CAST: variants seen among roughly 807,000 people sequenced by gnomAD.
The protein encoded by CAST is MIR583 host.
In CAST, 76 loss-of-function variants were observed where a neutral mutation model predicts 119.6. The ratio of observed to expected loss-of-function variants is 0.64; its 90% CI spans 0.53 to 0.77. CAST has a LOEUF of 0.77. Ranked by LOEUF, CAST falls within the 30% of genes least tolerant of loss-of-function variation. The pLI, the probability that CAST is intolerant of heterozygous loss-of-function variation, is 0.00. For missense variants in CAST, 953 were observed against 946.5 expected, an observed-to-expected ratio of 1.01 and a Z score of -0.09; for synonymous variants, 319 against 331.6, an observed-to-expected ratio of 0.96 and a Z score of 0.41.
intron 13 of CAST, chr5:96,741,042 A>T: frequency 1.7e-6 from 1 of 595,200 alleles, no homozygotes; most frequent in Non-Finnish European, 3.0e-6. Context: ...TCATAATAAT[A>T]GAATGAGAAT....
rs144327270 is a variant in CAST, at chr5:96,552,134, C to T, written c.60+22254C>T. On this transcript the variant is annotated intron_variant, in intron 1 of 11. Coordinates refer to the CAST transcript ENST00000505143. ...ATATACTTTCTTCTCAGCACCACAT[C>T]GCACTTATTCTAAAATTGACCACAT... Among the ~76,000 whole-genome samples, 14 of 152,240 alleles carry T rather than the reference C, an allele frequency of 9.2e-5. No homozygotes were observed. The East Asian group carries it at 2.1e-3, about 23-fold the overall frequency.
intron 12 of CAST, 131 bp downstream of exon 12, chr5:96,740,249 T>G: frequency 1.7e-6 from 1 of 598,262 alleles, no homozygotes; most frequent in Non-Finnish European, 3.0e-6. Context: ...ACTATGAAGC[T>G]CGCTGCATTG....
At chr5:95,986,079 G>C in the CAST span, among the ~76,000 whole-genome samples, 5 of 152,330 alleles carry the variant, frequency 3.3e-5, no homozygotes, top group African/African-American at 1.2e-4. Flanking sequence ...AGAATGACTG[G>C]TGATTTTGTT....
chr5:96,310,567 T>TC, the CAST span, among the ~76,000 whole-genome samples: 2 of 140,470 alleles, frequency 1.4e-5, no homozygotes, highest in Admixed American at 1.4e-4. Flanking sequence ...TTAGGCTTTT[T>TC]TTTTTTTAAA....
the CAST span, among the ~76,000 whole-genome samples, chr5:96,354,184 C>G: frequency 6.6e-6 from 1 of 152,176 alleles, no homozygotes; most frequent in Non-Finnish European, 1.5e-5. Flanking sequence ...CAAGTGAGAG[C>G]CCCTGCTCAT....
chr5:96,260,006 G>C, the CAST span, among the ~76,000 whole-genome samples: 1 of 151,850 alleles, frequency 6.6e-6, no homozygotes, highest in African/African-American at 2.4e-5. Context: ...TAGGACATCA[G>C]AGTCCCATTT....
At chr5:96,105,479 T>A in the CAST span, among the ~76,000 whole-genome samples, 2 of 152,216 alleles carry the variant, frequency 1.3e-5, no homozygotes, top group African/African-American at 2.4e-5. Context: ...CTTTTCTGCA[T>A]CTATTGAGAT....
chr5:96,371,427 G>C, the CAST span, among the ~76,000 whole-genome samples: 1 of 152,294 alleles, frequency 6.6e-6, no homozygotes, highest in African/African-American at 2.4e-5. Context: ...CAGAGGCTTA[G>C]CATATTCACA....
At chr5:96,236,022 T>C in the CAST span, among the ~76,000 whole-genome samples, 1 of 152,208 alleles carries the variant, frequency 6.6e-6, no homozygotes, top group Non-Finnish European at 1.5e-5. Flanking sequence ...TGCTTTTCGA[T>C]AGCATTGAAA....
the CAST span, among the ~76,000 whole-genome samples, chr5:96,508,581 A>C: frequency 6.6e-6 from 1 of 152,096 alleles, no homozygotes; most frequent in Non-Finnish European, 1.5e-5. Flanking sequence ...TAGATATGTG[A>C]TTGGGAGAAT....
chr5:96,171,998 C>T, the CAST span, among the ~76,000 whole-genome samples: 10 of 152,196 alleles, frequency 6.6e-5, no homozygotes, highest in Admixed American at 2.0e-4. Flanking sequence ...GTGAAGAGAC[C>T]GCCAAACAGG....
the CAST span, among the ~76,000 whole-genome samples, chr5:96,270,299 A>G: frequency 6.6e-6 from 1 of 152,194 alleles, no homozygotes; most frequent in African/African-American, 2.4e-5. Flanking sequence ...TAAATGGGAA[A>G]CAATTGAAAG....
At chr5:96,079,183 C>T in the CAST span, 1 of 469,460 alleles carries the variant, frequency 2.1e-6, no homozygotes, top group Non-Finnish European at 4.4e-6. Flanking sequence ...CTGCAGGGAT[C>T]TTAGCAGTAC....
chr5:96,362,881 T>A, the CAST span, among the ~76,000 whole-genome samples: 1 of 152,230 alleles, frequency 6.6e-6, no homozygotes, highest in Non-Finnish European at 1.5e-5. Context: ...GCCATTGCTT[T>A]TGGTGTTTTA....
At chr5:96,251,389 C>A in the CAST span, among the ~76,000 whole-genome samples, 5 of 152,118 alleles carry the variant, frequency 3.3e-5, no homozygotes, top group Non-Finnish European at 7.4e-5. Flanking sequence ...AGTATAGAGT[C>A]TCGCTGGGAA....
chr5:96,394,878 C>G, the CAST span: 1 of 1,614,128 alleles, frequency 6.2e-7, no homozygotes, highest in South Asian at 1.1e-5. Flanking sequence ...CCTGGATCCA[C>G]CATCTTCTCC....
chr5:95,961,882 C>A, the CAST span: 5 of 914,998 alleles, frequency 5.5e-6, no homozygotes, highest in African/African-American at 1.8e-5. Flanking sequence ...CTGCCACCGC[C>A]GCCACCCGCC....
the CAST span, among the ~76,000 whole-genome samples, chr5:96,118,532 A>G: frequency 6.6e-6 from 1 of 152,284 alleles, no homozygotes; most frequent in South Asian, 2.1e-4. Context: ...TAGGTCACTT[A>G]TAAATACCTT....
the CAST span, among the ~76,000 whole-genome samples, chr5:96,139,614 G>A: frequency 1.3e-5 from 2 of 150,912 alleles, no homozygotes; most frequent in South Asian, 2.1e-4. Context: ...GAAGAAAGTT[G>A]CTGTATTTTT....
Sources: allele counts gnomAD v4.1 joint callset (sites outside exome capture counted in the v4.1 genomes callset), GRCh38; gene constraint gnomAD v4.1.1; transcripts MANE v1.5; gene names NCBI Gene and HGNC (gene_info 2026-07-23, HGNC 2026-07-21).